The following DDX19B variants were observed in gnomAD, a reference collection of about 807,000 sequenced individuals.
DDX19B encodes ATP-dependent RNA helicase DDX19B.
A neutral mutation model predicts 58.1 loss-of-function variants in DDX19B; 27 were observed. The observed-to-expected ratio is 0.46, with a 90% confidence interval of 0.34 to 0.64. DDX19B has a LOEUF of 0.64. DDX19B is among the 30% of genes least tolerant of loss of function. DDX19B has a pLI of 0.01. For synonymous variants in DDX19B, 187 were observed against 214.4 expected (o/e 0.87, Z 1.12); for missense variants, 399 against 596.5 (o/e 0.67, Z 3.45).
At chr16:70,299,092 G>A, upstream of DDX19B, 1 of 1,306,448 alleles carries the variant, frequency 7.7e-7, no homozygotes, top group Non-Finnish European at 9.8e-7. Context: ...AGGGGTACGG[G>A]TCTGAGGGCA....
At chr16:70,290,741 C>G (rs1961039465), upstream of DDX19B, among the ~76,000 whole-genome samples, 3 of 152,116 alleles carry the variant, frequency 2.0e-5, no homozygotes, top group Non-Finnish European at 4.4e-5. Context: ...TCAAACATTT[C>G]ACATGCTTAT....
chr16:70,304,270 A>G (rs1246741051), intron 1 of DDX19B, among the ~76,000 whole-genome samples: 1 of 150,696 alleles, frequency 6.6e-6, no homozygotes, highest in East Asian at 2.0e-4. Context: ...CAAACTGCTG[A>G]CCTCATGATC....
At chr16:70,292,297 G>A (rs71400002), upstream of DDX19B, among the ~76,000 whole-genome samples, 1 of 151,814 alleles carries the variant, frequency 6.6e-6, no homozygotes, top group Non-Finnish European at 1.5e-5. Flanking sequence ...CCACCACCAC[G>A]CCCAGTTATT....
chr16:70,295,596 G>A (rs1233094105), upstream of DDX19B, among the ~76,000 whole-genome samples: 1 of 152,096 alleles, frequency 6.6e-6, no homozygotes, highest in Non-Finnish European at 1.5e-5. Context: ...CCTGGGATGA[G>A]TATACGGAGA....
At chr16:70,292,118 C>T (rs1961073206), upstream of DDX19B, among the ~76,000 whole-genome samples, 1 of 152,178 alleles carries the variant, frequency 6.6e-6, no homozygotes, top group African/African-American at 2.4e-5. Flanking sequence ...CGCGACTGCA[C>T]TCCAGCCTGG....
In DDX19B at chr16:70,325,613, A is replaced by G. The variant is rs1486560392; in HGVS notation, c.532A>G (p.Thr178Ala). 1 of 1,614,096 alleles carries G rather than the reference A, an allele frequency of 6.2e-7. No homozygotes were observed. The highest frequency in any genetic ancestry group is 1.1e-5 in the South Asian group (1 of 91,076). ...CCCAACGTATGAGCTCGCCCTCCAA[A>G]CAGGAAAAGTGATTGAACAAATGGG... is the stretch of plus-strand genomic sequence containing the variant. Reference protein sequence around the residue: ...LSPTYELALQTGKVIEQMGKF... With the variant: ...LSPTYELALQAGKVIEQMGKF... Residue 178 changes from threonine (T) to alanine (A), a missense_variant, in exon 7 of 12, where the codon ACA becomes GCA. Thr to Ala is a moderately conservative substitution (Grantham distance 58, BLOSUM62 0). Coordinates refer to ENST00000288071, the MANE Select transcript of DDX19B (RefSeq NM_007242.7).
At chr16:70,313,582 C>G (rs1207062443) in intron 2 of DDX19B, among the ~76,000 whole-genome samples, 1 of 152,070 alleles carries the variant, frequency 6.6e-6, no homozygotes, top group Non-Finnish European at 1.5e-5. Flanking sequence ...TAATTTTTTT[C>G]TTAATGTTCT....
At chr16:70,312,195 G>A (rs1422991199) in intron 1 of DDX19B, among the ~76,000 whole-genome samples, 1 of 152,038 alleles carries the variant, frequency 6.6e-6, no homozygotes, top group Non-Finnish European at 1.5e-5. Context: ...AAGTATGACT[G>A]CATTTTTCAA....
rs200667526 is a variant in DDX19B at position 70,299,382 on chromosome 16, C to T, written c.57+28C>T. 63 of 1,589,974 alleles carry T rather than the reference C, an allele frequency of 4.0e-5. No individual in the cohort carries two copies. The East Asian group carries it at 1.3e-3, about 33-fold the overall frequency. On this transcript the variant is annotated intron_variant, in intron 1 of 11. Transcript: ENST00000288071. ...GAGTTGGCTTCAGCCCTAAAAGGGT[C>T]AGGGGACTAGTTCTGGTCGGAGACT...
chr16:70,299,809 C>G (rs1262797796), intron 1 of DDX19B, among the ~76,000 whole-genome samples: 1 of 152,166 alleles, frequency 6.6e-6, no homozygotes, highest in Non-Finnish European at 1.5e-5. Context: ...TTCTCCACCT[C>G]TACATTCAGA....
intron 1 of DDX19B, among the ~76,000 whole-genome samples, chr16:70,300,518 GTTTC>G (rs1428725261): frequency 2.6e-5 from 4 of 151,570 alleles, no homozygotes; most frequent in Non-Finnish European, 4.4e-5. Flanking sequence ...TCTTTTTTCT[GTTTC>G]TTTCTTTCTT....
intron 5 of DDX19B, chr16:70,319,652 A>T (rs1388370344): frequency 6.7e-6 from 1 of 150,306 alleles, no homozygotes; most frequent in African/African-American, 2.5e-5. Flanking sequence ...ATACTTTGAG[A>T]GGCCGAGGCA....
In DDX19B at chr16:70,332,017, C is replaced by T. The variant is rs951555798; in HGVS notation, c.1186+133C>T. On this transcript the variant is annotated intron_variant, in intron 10 of 11. Coordinates refer to ENST00000288071, the MANE Select transcript of DDX19B (RefSeq NM_007242.7). ...GTGGGGTTGGTGACACTATTCCTTTCTAGGAGAGACTGTTTGGATTTCCCT... is the reference window on the plus strand; with the variant it reads ...GTGGGGTTGGTGACACTATTCCTTTTTAGGAGAGACTGTTTGGATTTCCCT... The T allele has an allele frequency of 3.8e-6, 5 of 1,321,014 alleles. No individual in the cohort carries two copies. In the African/African-American group the frequency reaches 7.4e-5, roughly 20 times the overall value. 81.8% of individuals were successfully genotyped at this position (1,321,014 alleles called of 1,614,324 possible). A position where few individuals can be genotyped will look rare whatever the true frequency, so the allele number is the denominator to read the frequency against.
At chr16:70,301,089 C>T (rs556867216) in intron 1 of DDX19B, among the ~76,000 whole-genome samples, 2 of 152,238 alleles carry the variant, frequency 1.3e-5, no homozygotes, top group African/African-American at 2.4e-5. Context: ...GCAAATTTCC[C>T]TTCAGCCTCA....
chr16:70,294,453 T>TCTAGATTAGAGGATGTGCGTCTGCAC (rs1487902345), upstream of DDX19B, among the ~76,000 whole-genome samples: 2 of 152,062 alleles, frequency 1.3e-5, no homozygotes, highest in African/African-American at 2.4e-5. Flanking sequence ...ATACCAAGGG[T>TCTAGATTAGAGGATGTGCGTCTGCAC]CTAGATTAGA....
chr16:70,313,626 T>A (rs1962201282), intron 2 of DDX19B, among the ~76,000 whole-genome samples: 1 of 152,204 alleles, frequency 6.6e-6, no homozygotes, highest in Non-Finnish European at 1.5e-5. Flanking sequence ...GTATGAGCAA[T>A]CTGACAGTTT....
At chr16:70,298,330 C>T (rs1052918012), upstream of DDX19B, among the ~76,000 whole-genome samples, 1 of 151,824 alleles carries the variant, frequency 6.6e-6, no homozygotes, top group African/African-American at 2.4e-5. Context: ...TTCTTGAACC[C>T]AGGAGGTGGA....
rs1963586490 is a variant in DDX19B at position 70,333,430 on chromosome 16, C to A, written c.1379-91C>A. ...GCCCTGCTGCCCCCTGCTTAGGCAC[C>A]CGGAGCCTTTGGGGCTGAATGAATG... On this transcript the variant is annotated intron_variant, in intron 11 of 11. Transcript: ENST00000288071. 1.9e-6 allele frequency: 3 copies of A among 1,600,056 alleles called. No homozygotes were observed. The East Asian group carries it at 6.7e-5, about 36-fold the overall frequency.
At chr16:70,302,028 C>A (rs1961516109) in intron 1 of DDX19B, among the ~76,000 whole-genome samples, 1 of 151,344 alleles carries the variant, frequency 6.6e-6, no homozygotes, top group African/African-American at 2.4e-5. Context: ...TCAAGCGATT[C>A]TCCTGCCTCA....
Sources: gnomAD v4.1 joint callset for allele counts (sites outside exome capture counted in the v4.1 genomes callset) on GRCh38, gnomAD v4.1.1 for gene constraint, MANE v1.5 for transcripts, NCBI Gene and HGNC (gene_info 2026-07-23, HGNC 2026-07-21) for gene names.